Variants in TET1 observed in about 807,000 individuals in gnomAD.
TET1 encodes the protein tet methylcytosine dioxygenase 1.
TET1 carries 13 observed loss-of-function variants against 148.7 expected under a neutral mutation model. The observed-to-expected ratio is 0.09, with a 90% CI of 0.06 to 0.14. The LOEUF (loss-of-function observed/expected upper bound fraction) is 0.14. Ranked by LOEUF, TET1 falls within the 10% of genes least tolerant of loss-of-function variation. TET1 has a pLI of 1.00. For missense variants in TET1, 2,182 were observed against 2,553.8 expected (o/e 0.85, Z 3.14); for synonymous variants, 907 against 937.2 (o/e 0.97, Z 0.59).
At chr10:68,608,195 T>C (rs1211508956) in intron 3 of TET1, among the ~76,000 whole-genome samples, 1 of 152,128 alleles carries the variant, frequency 6.6e-6, no homozygotes, top group African/African-American at 2.4e-5. Flanking sequence ...CCCAAAGTGC[T>C]GGGATTATAG....
At chr10:68,596,027 C>CATATATATATATATATAT (rs1554932889) in intron 2 of TET1, among the ~76,000 whole-genome samples, 6 of 61,746 alleles carry the variant, frequency 9.7e-5, no homozygotes, top group South Asian at 6.6e-4. Flanking sequence ...CACACACACA[C>CATATATATATATATATAT]ATATATATAT....
At chr10:68,673,935 C>CTTTTTTTT (rs11381293) in intron 8 of TET1, among the ~76,000 whole-genome samples, 12 of 120,266 alleles carry the variant, frequency 1.0e-4, no homozygotes, top group Non-Finnish European at 1.4e-4. Flanking sequence ...CTTTCTTTTT[C>CTTTTTTTT]TTTTTTTTTT....
chr10:68,680,407 A>AT (rs2055420195), intron 8 of TET1, among the ~76,000 whole-genome samples: 1 of 152,176 alleles, frequency 6.6e-6, no homozygotes, highest in African/African-American at 2.4e-5. Flanking sequence ...GTGGCTTGAT[A>AT]TCATCTCTTG....
Position 68,641,112 on chromosome 10 carries a change from T to A in TET1, c.1969-3586T>A, listed in dbSNP as rs2054746463. ...CACATGAAGCCTAAAATATTTACTATCTGACCCTTTACAGAAAAGTTCGCC... is the reference window on the plus strand; with the variant it reads ...CACATGAAGCCTAAAATATTTACTAACTGACCCTTTACAGAAAAGTTCGCC... On this transcript the variant is annotated intron_variant, in intron 3 of 11. Coordinates refer to ENST00000373644, the MANE Select transcript of TET1 (RefSeq NM_030625.3). 2.6e-5 allele frequency among the ~76,000 whole-genome samples: 4 copies of A among 151,540 alleles called. No individual in the cohort carries two copies. In the South Asian group the frequency reaches 8.3e-4, roughly 32 times the overall value.
intron 3 of TET1, among the ~76,000 whole-genome samples, chr10:68,606,249 C>G (rs922081098): frequency 1.3e-5 from 2 of 152,036 alleles, no homozygotes; most frequent in African/African-American, 4.8e-5. Context: ...TGCCTGTAAT[C>G]GCAGCTAATT....
chr10:68,598,411 T>G (rs1320630122), intron 2 of TET1, among the ~76,000 whole-genome samples: 1 of 152,174 alleles, frequency 6.6e-6, no homozygotes, highest in Admixed American at 6.5e-5. Flanking sequence ...AATGATAAAT[T>G]TTATGTTACA....
At chr10:68,652,629 T>C (rs755279595) in intron 6 of TET1, 35 bp downstream of exon 6, 18 of 1,434,586 alleles carry the variant, frequency 1.3e-5, no homozygotes, top group Middle Eastern at 1.8e-4. Context: ...TTTTTGAAGC[T>C]TGTTATTCCA....
intron 4 of TET1, 79 bp downstream of exon 4, chr10:68,647,084 C>G (rs2054861771): frequency 5.6e-6 from 8 of 1,425,124 alleles, no homozygotes; most frequent in Non-Finnish European, 7.6e-6. Context: ...TCTGATTCAT[C>G]TTTTTTGTGT....
At chr10:68,588,815 C>T (rs1012226688) in intron 2 of TET1, among the ~76,000 whole-genome samples, 1 of 137,118 alleles carries the variant, frequency 7.3e-6, no homozygotes, top group Non-Finnish European at 1.6e-5. Flanking sequence ...TTAGTGAGAC[C>T]CTGTCTCAAA....
chr10:68,672,373 G>A (rs1396470261), intron 7 of TET1, among the ~76,000 whole-genome samples: 7 of 148,914 alleles, frequency 4.7e-5, no homozygotes, highest in African/African-American at 9.9e-5. Context: ...CTGTAATCTC[G>A]GCTACTCAGG....
chr10:68,650,331 G>A (rs1162345685), intron 4 of TET1, among the ~76,000 whole-genome samples: 1 of 152,046 alleles, frequency 6.6e-6, no homozygotes, highest in Non-Finnish European at 1.5e-5. Flanking sequence ...AATCTATCAA[G>A]TGTATCTTAC....
rs1478918366 is a variant in TET1, at chr10:68,570,394, CG to C, written c.-122-1822del. Among the ~76,000 whole-genome samples the C allele has an allele frequency of 2.6e-5, 4 of 151,972 alleles. No individual in the cohort carries two copies. In the East Asian group the frequency reaches 7.8e-4, roughly 30 times the overall value. On this transcript the variant is annotated intron_variant, in intron 1 of 11. Coordinates refer to ENST00000373644, the MANE Select transcript of TET1 (RefSeq NM_030625.3). ...TGCTGGGATTACAGGCGTGAGCCAC[CG>C]CGCCCAGCCAGTACCGGATAGTTTT...
chr10:68,627,416 A>T (rs183890443), intron 3 of TET1, among the ~76,000 whole-genome samples: 31 of 151,128 alleles, frequency 2.1e-4, no homozygotes, highest in African/African-American at 7.1e-4. Context: ...TCCGAAAAAA[A>T]AAATAAATAA....
At chr10:68,613,694 T>C (rs1039033715) in intron 3 of TET1, among the ~76,000 whole-genome samples, 4 of 152,100 alleles carry the variant, frequency 2.6e-5, no homozygotes, top group African/African-American at 9.7e-5. Context: ...CCTAGCACTT[T>C]GGGAGGCCGA....
At chr10:68,604,476 G>T (rs1396027846) in intron 3 of TET1, among the ~76,000 whole-genome samples, 1 of 152,190 alleles carries the variant, frequency 6.6e-6, no homozygotes, top group African/African-American at 2.4e-5. Context: ...TGGAAACCAG[G>T]TAATGTAGCT....
chr10:68,571,081 C>G (rs981890906), intron 1 of TET1, among the ~76,000 whole-genome samples: 1 of 151,158 alleles, frequency 6.6e-6, no homozygotes, highest in Non-Finnish European at 1.5e-5. Flanking sequence ...ACCTCCGTCT[C>G]CTGGGTTCAA....
At chr10:68,669,514 G>A (rs2055242942) in intron 7 of TET1, among the ~76,000 whole-genome samples, 1 of 118,338 alleles carries the variant, frequency 8.5e-6, no homozygotes, top group Non-Finnish European at 1.8e-5. Flanking sequence ...TATTTTTTGG[G>A]GGGGTTTTTT....
intron 3 of TET1, among the ~76,000 whole-genome samples, chr10:68,619,636 G>A (rs370183842): frequency 9.9e-5 from 15 of 152,098 alleles, no homozygotes; most frequent in African/African-American, 3.4e-4. Context: ...TGAATACAAC[G>A]TGGAAAATTA....
At chr10:68,571,592 G>GT (rs2053670707) in intron 1 of TET1, among the ~76,000 whole-genome samples, 1 of 151,582 alleles carries the variant, frequency 6.6e-6, no homozygotes, top group Non-Finnish European at 1.5e-5. Context: ...TAGAGATGGG[G>GT]TTTCACCATG....
Sources: gnomAD v4.1 joint callset for allele counts (sites outside exome capture counted in the v4.1 genomes callset) on GRCh38, gnomAD v4.1.1 for gene constraint, MANE v1.5 for transcripts, NCBI Gene and HGNC (gene_info 2026-07-23, HGNC 2026-07-21) for gene names.